ANKHD1: variants seen among roughly 807,000 people sequenced by gnomAD.
The protein encoded by ANKHD1 is ankyrin repeat and KH domain-containing protein 1.
Under a neutral mutation model 230.5 loss-of-function variants are expected in ANKHD1, and 31 were observed. The ratio of observed to expected loss-of-function variants is 0.13; its 90% confidence interval spans 0.10 to 0.18. The LOEUF (loss-of-function observed/expected upper bound fraction) is 0.18, where lower values mean the gene tolerates loss of function less well. Ranked by LOEUF, ANKHD1 falls within the 10% of genes least tolerant of loss-of-function variation. The pLI is 1.00. For missense variants in ANKHD1, 2,256 were observed against 3,071.3 expected, an observed-to-expected ratio of 0.73 and a Z score of 6.27; for synonymous variants, 1,074 against 1,117.6, an observed-to-expected ratio of 0.96 and a Z score of 0.78.
At chr5:140,417,826 A>G (rs971048942) in intron 1 of ANKHD1, among the ~76,000 whole-genome samples, 4 of 139,850 alleles carry the variant, frequency 2.9e-5, no homozygotes, top group East Asian at 2.2e-4. Flanking sequence ...AACTTTTCCC[A>G]TATAGTCTTT....
chr5:140,476,834 C>T (rs1257551613), intron 10 of ANKHD1, among the ~76,000 whole-genome samples: 3 of 151,840 alleles, frequency 2.0e-5, no homozygotes, highest in Non-Finnish European at 4.4e-5. Flanking sequence ...ATGTTTAAAA[C>T]CAAAGTAGTA....
In ANKHD1 at chr5:140,469,266, G is replaced by T. The variant is rs1337817872; in HGVS notation, c.1782+4490G>T. ...GTCTTTAATCCCAGCTCTTTGGGAGGCCAAGGAGGGCAGATTGCTTGAGCC... is the reference window on the plus strand; with the variant it reads ...GTCTTTAATCCCAGCTCTTTGGGAGTCCAAGGAGGGCAGATTGCTTGAGCC... On this transcript the variant is annotated intron_variant, in intron 10 of 33. Transcript: ENST00000360839. 4.6e-5 allele frequency among the ~76,000 whole-genome samples: 7 copies of T among 151,012 alleles called. No individual in the cohort carries two copies. The Admixed American group carries it at 4.6e-4, about 10-fold the overall frequency.
At chr5:140,435,723 T>C (rs918954974) in intron 1 of ANKHD1, among the ~76,000 whole-genome samples, 12 of 151,890 alleles carry the variant, frequency 7.9e-5, no homozygotes, top group African/African-American at 2.4e-4. Context: ...TTAATAGATA[T>C]GGGGTTTCAC....
In ANKHD1 at chr5:140,507,286, A is replaced by G. The variant is rs1215966112; in HGVS notation, c.3551+309A>G. On this transcript the variant is annotated intron_variant, in intron 19 of 33. Transcript: ENST00000360839. The surrounding 1 kb of genome is among the most constrained non-coding windows in gnomAD (Gnocchi z 4.1). The stretch of plus-strand genomic sequence containing the variant: ...ATAGTTGGAAATTTATAATCCCTAA[A>G]TAGGAATTACATTTTATTTTTTAAG... 6.6e-6 allele frequency among the ~76,000 whole-genome samples: 1 copy of G among 152,188 alleles called. No homozygotes were observed. The highest frequency in any genetic ancestry group is 1.9e-4 in the East Asian group (1 of 5,200).
chr5:140,429,245 C>T (rs1484814338), intron 1 of ANKHD1, among the ~76,000 whole-genome samples: 2 of 151,142 alleles, frequency 1.3e-5, no homozygotes, highest in Admixed American at 6.6e-5. Context: ...AGGCGCCTGC[C>T]ACCACGCCCG....
Position 140,507,128 on chromosome 5 carries a change from A to G in ANKHD1, c.3551+151A>G. 4 of 1,218,590 alleles carry G rather than the reference A, an allele frequency of 3.3e-6. No individual in the cohort carries two copies. In the South Asian group the frequency reaches 6.8e-5, roughly 21 times the overall value. 75.5% of individuals were successfully genotyped at this position (1,218,590 alleles called of 1,614,324 possible). ...TTATACCTATAATGTGTTTGTTTAT[A>G]AGTAATCTCAGCTTATTTCAGTAAT... On this transcript the variant is annotated intron_variant, in intron 19 of 33. Transcript: ENST00000360839. This position sits in a 1 kb window ranked among gnomAD's most constrained non-coding sequence, Gnocchi z 4.1.
intron 1 of ANKHD1, among the ~76,000 whole-genome samples, chr5:140,403,919 T>C: frequency 6.6e-6 from 1 of 152,242 alleles, no homozygotes; most frequent in East Asian, 1.9e-4. Flanking sequence ...TAGTATACTG[T>C]CTTATCATTC....
chr5:140,473,964 A>AT (rs1309486200), intron 10 of ANKHD1, among the ~76,000 whole-genome samples: 1 of 152,166 alleles, frequency 6.6e-6, no homozygotes, highest in African/African-American at 2.4e-5. Context: ...ATCTCAGGAG[A>AT]TTCTGATGAC....
intron 2 of ANKHD1, among the ~76,000 whole-genome samples, chr5:140,436,670 C>A (rs767923887): frequency 6.6e-6 from 1 of 151,412 alleles, no homozygotes; most frequent in African/African-American, 2.4e-5. Flanking sequence ...TGCTTGAACC[C>A]TAGAGGGGGA....
chr5:140,482,344 A>G (rs546716232), intron 10 of ANKHD1, among the ~76,000 whole-genome samples: 5 of 152,122 alleles, frequency 3.3e-5, no homozygotes, highest in Non-Finnish European at 7.4e-5. Flanking sequence ...AAACATTAAT[A>G]TTATCTTTAA....
intron 11 of ANKHD1, among the ~76,000 whole-genome samples, chr5:140,483,115 T>C (rs1751356721): frequency 6.6e-6 from 1 of 152,192 alleles, no homozygotes; most frequent in Admixed American, 6.5e-5. Context: ...TAGAATTATA[T>C]TTAGGCAAGA....
At chr5:140,424,269 A>C (rs906781906) in intron 1 of ANKHD1, among the ~76,000 whole-genome samples, 3 of 152,072 alleles carry the variant, frequency 2.0e-5, no homozygotes, top group African/African-American at 7.2e-5. Flanking sequence ...GATGTATCAC[A>C]CACACATCTA....
chr5:140,439,501 CT>C (rs1773692330), intron 3 of ANKHD1, among the ~76,000 whole-genome samples: 1 of 152,044 alleles, frequency 6.6e-6, no homozygotes, highest in African/African-American at 2.4e-5. Context: ...GAAAACGCAT[CT>C]CTCCTAAAAA....
At chr5:140,426,171 C>G (rs1772389427) in intron 1 of ANKHD1, among the ~76,000 whole-genome samples, 1 of 152,156 alleles carries the variant, frequency 6.6e-6, no homozygotes, top group Non-Finnish European at 1.5e-5. Context: ...GCTCTGCCGC[C>G]CAGGCTGGAG....
chr5:140,455,708 C>T (rs1016672612), intron 7 of ANKHD1, among the ~76,000 whole-genome samples: 9 of 152,108 alleles, frequency 5.9e-5, no homozygotes, highest in African/African-American at 2.2e-4. Flanking sequence ...ATTGATGGGA[C>T]ATATCTCAAA....
chr5:140,478,362 T>G (rs1364584705), intron 10 of ANKHD1, among the ~76,000 whole-genome samples: 1 of 150,132 alleles, frequency 6.7e-6, no homozygotes, highest in Non-Finnish European at 1.5e-5. Flanking sequence ...TCTTTCTTTT[T>G]CTTTTTTTTT....
At position 140,528,421 on chromosome 5, in the gene ANKHD1, C is replaced by G; in HGVS notation, c.5475C>G (p.Phe1825Leu). The change falls in exon 29 of 34, where the codon TTC (phenylalanine) becomes TTG (leucine). Residue 1825 changes from phenylalanine (F) to leucine (L), a missense_variant. Transcript: ENST00000360839. The part of the protein sequence containing the change: ...VTSQATTLST[F>L]QPANKLNKNV... ...CACAGGCAACAACGTTATCTACGTT[C>G]CAGCCCGCTAATAAACTTAATAAGA... The G allele has an allele frequency of 6.2e-7, 1 of 1,614,170 alleles. No homozygotes were observed. Among genetic ancestry groups the G allele is most frequent in the African/African-American group, 1.3e-5 (1 of 75,038 alleles).
intron 14 of ANKHD1, among the ~76,000 whole-genome samples, chr5:140,491,135 T>TATACACAC: frequency 1.3e-5 from 1 of 75,066 alleles, no homozygotes; most frequent in Non-Finnish European, 2.5e-5. Context: ...TATATATATA[T>TATACACAC]ACACATATAT....
rs142509823 is a variant in ANKHD1 at position 140,511,543 on chromosome 5, AC to A, written c.4105-1281del. ...TTATAGTTGAGTTTTGATTTTCCTT[AC>A]CCCAATTTGTAATTATATCTTCAAA... On this transcript the variant is annotated intron_variant, in intron 22 of 33. Transcript: ENST00000360839. 2.0e-5 allele frequency among the ~76,000 whole-genome samples: 3 copies of A among 152,162 alleles called. No homozygotes were observed. In the East Asian group the frequency reaches 5.8e-4, roughly 29 times the overall value.
Sources: allele counts gnomAD v4.1 joint callset (sites outside exome capture counted in the v4.1 genomes callset), GRCh38; gene constraint gnomAD v4.1.1; non-coding constraint Gnocchi (gnomAD v3.1); transcripts MANE v1.5; gene names NCBI Gene and HGNC (gene_info 2026-07-23, HGNC 2026-07-21).